The following LMNA variants were observed in gnomAD, a reference collection of about 807,000 sequenced individuals.
The protein encoded by LMNA is lamin.
In LMNA, 20 loss-of-function variants were observed where a neutral mutation model predicts 70.4. The ratio of observed to expected loss-of-function variants is 0.28; its 90% CI spans 0.20 to 0.41. LMNA has a LOEUF of 0.41. LMNA is among the 10% of genes least tolerant of loss of function. LMNA has a pLI of 1.00. For missense variants in LMNA, 652 were observed against 917.2 expected, an observed-to-expected ratio of 0.71 and a Z score of 3.73; for synonymous variants, 339 against 372.8, an observed-to-expected ratio of 0.91 and a Z score of 1.04.
rs1158300738 is a variant in LMNA at position 156,137,760 on chromosome 1, G to A, written c.1698+17G>A. 1.9e-6 allele frequency: 3 copies of A among 1,547,542 alleles called. No homozygotes were observed. The highest frequency in any genetic ancestry group is 2.4e-5 in the South Asian group (2 of 83,984). ...CACCACCACGTGAGTGGTAGCCGCC[G>A]CTGAGGCCGAGCCTGCACTGGGGCC... is the stretch of plus-strand genomic sequence containing the variant. On this transcript the variant is annotated intron_variant, in intron 10 of 11. Transcript: ENST00000368300. This position sits in a 1 kb window ranked among gnomAD's most constrained non-coding sequence, Gnocchi z 4.6.
At position 156,137,770 on chromosome 1, in the gene LMNA, A is replaced by C; in HGVS notation, c.1698+27A>C. On this transcript the variant is annotated intron_variant, in intron 10 of 11. Coordinates refer to ENST00000368300, the MANE Select transcript of LMNA (RefSeq NM_170707.4). The surrounding 1 kb of genome is among the most constrained non-coding windows in gnomAD (Gnocchi z 4.6). Reference sequence around the variant, plus strand: ...TGAGTGGTAGCCGCCGCTGAGGCCGAGCCTGCACTGGGGCCACCCAGCCAG... The same window carrying C: ...TGAGTGGTAGCCGCCGCTGAGGCCGCGCCTGCACTGGGGCCACCCAGCCAG... 2 of 1,548,596 alleles carry C rather than the reference A, an allele frequency of 1.3e-6. No individual in the cohort carries two copies. Among genetic ancestry groups the C allele is most frequent in the Non-Finnish European group, 1.7e-6 (2 of 1,146,958 alleles).
chr1:156,088,791 A>G (rs763144187), intron 2 of LMNA, among the ~76,000 whole-genome samples: 40 of 152,214 alleles, frequency 2.6e-4, no homozygotes, highest in Non-Finnish European at 5.0e-4. Flanking sequence ...CTGGGATTAC[A>G]GGCATGTGCC....
Position 156,130,348 on chromosome 1 carries a change from T to C in LMNA, c.357-269T>C, listed in dbSNP as rs508641. On this transcript the variant is annotated intron_variant, in intron 1 of 11. Coordinates refer to ENST00000368300, the MANE Select transcript of LMNA (RefSeq NM_170707.4). Reference sequence around the variant, plus strand: ...AGGGAAAAGCATTCATATCACGGGGTAGAGCTCTGCCCTTGGCCCCAGGCA... The same window carrying C: ...AGGGAAAAGCATTCATATCACGGGGCAGAGCTCTGCCCTTGGCCCCAGGCA... 0.081 allele frequency among the ~76,000 whole-genome samples: 12,331 copies of C among 151,902 alleles called. 795 individuals are homozygous for C. The highest frequency in any genetic ancestry group is 0.17 in the African/African-American group (7,075 of 41,364).
rs1287786305 is a variant in LMNA, at chr1:156,138,861, G to A, written c.1968+104G>A. 2.2e-5 allele frequency: 32 copies of A among 1,485,740 alleles called. No homozygotes were observed. The highest frequency in any genetic ancestry group is 2.3e-4 in the Middle Eastern group (1 of 4,404). 92.0% of individuals were successfully genotyped at this position (1,485,740 alleles called of 1,614,324 possible). A position where few individuals can be genotyped will look rare whatever the true frequency, so the allele number is the denominator to read the frequency against. On this transcript the variant is annotated intron_variant, in intron 11 of 11. Transcript: ENST00000368300. This position sits in a 1 kb window ranked among gnomAD's most constrained non-coding sequence, Gnocchi z 5.5. ...GGGGGGAGAGCCTGCCTTCTCTTCCGCAGCCCGGGGGAGTGGGAGCCTCCT... is the reference window on the plus strand; with the variant it reads ...GGGGGGAGAGCCTGCCTTCTCTTCCACAGCCCGGGGGAGTGGGAGCCTCCT...
chr1:156,119,749 G>GT (rs1297454204), intron 1 of LMNA, among the ~76,000 whole-genome samples: 6 of 151,910 alleles, frequency 3.9e-5, no homozygotes, highest in African/African-American at 1.5e-4. Flanking sequence ...TCCCACCCTG[G>GT]TGGCTTTACA....
chr1:156,084,128 G>A (rs1648382430), intron 2 of LMNA, among the ~76,000 whole-genome samples: 1 of 152,030 alleles, frequency 6.6e-6, no homozygotes, highest in South Asian at 2.1e-4. Flanking sequence ...GGAGTGACTT[G>A]AAAAACAAAA....
intron 1 of LMNA, among the ~76,000 whole-genome samples, chr1:156,117,215 C>A (rs775367788): frequency 8.6e-5 from 13 of 151,056 alleles, no homozygotes; most frequent in Non-Finnish European, 1.8e-4. Context: ...CAGGTGTGAG[C>A]TACCATGCCC....
Position 156,094,926 on chromosome 1 carries a change from A to ATT in LMNA, c.-207+4360_-207+4361dup, listed in dbSNP as rs1201138306. ...AGGCGTTTGTCACCACAACCAGCTAATTTTTTTTTTTTTTTTTGAGAACGG... is the reference window on the plus strand; with the variant it reads ...AGGCGTTTGTCACCACAACCAGCTAATTTTTTTTTTTTTTTTTTTGAGAACGG... On this transcript the variant is annotated intron_variant, in intron 3 of 12. Coordinates refer to the LMNA transcript ENST00000368301. 3.6e-3 allele frequency among the ~76,000 whole-genome samples: 462 copies of ATT among 127,732 alleles called. 6 individuals carry two copies. The highest frequency in any genetic ancestry group is 0.013 in the African/African-American group (444 of 33,488). The allele number at this position is 127,732 out of a possible 152,430, so 83.8% of individuals were successfully genotyped here.
chr1:156,113,778 C>T (rs777078626), upstream of LMNA, among the ~76,000 whole-genome samples: 2 of 152,172 alleles, frequency 1.3e-5, no homozygotes, highest in Non-Finnish European at 2.9e-5. Flanking sequence ...AATGCATGCA[C>T]AGCTCTGGTA....
intron 1 of LMNA, among the ~76,000 whole-genome samples, chr1:156,123,841 C>G (rs915945649): frequency 1.3e-5 from 2 of 152,226 alleles, no homozygotes; most frequent in African/African-American, 4.8e-5. Context: ...CACGTTGATA[C>G]GCCCAGCAGC....
At chr1:156,088,025 C>T (rs890133847) in intron 2 of LMNA, among the ~76,000 whole-genome samples, 2 of 152,018 alleles carry the variant, frequency 1.3e-5, no homozygotes, top group African/African-American at 4.8e-5. Context: ...GCGCGCACCA[C>T]CACACCCAGC....
intron 1 of LMNA, among the ~76,000 whole-genome samples, chr1:156,126,387 C>T (rs1056572600): frequency 7.2e-5 from 11 of 152,264 alleles, no homozygotes; most frequent in East Asian, 1.9e-4. Flanking sequence ...CCTCTCCCTC[C>T]GGGCCTAGCC....
rs1651924349 is a variant in LMNA at position 156,139,356 on chromosome 1, C to T, written c.*250C>T. 8 of 1,398,776 alleles carry T rather than the reference C, an allele frequency of 5.7e-6. No individual in the cohort carries two copies. The highest frequency in any genetic ancestry group is 4.4e-5 in the African/African-American group (3 of 68,776). 86.6% of individuals were successfully genotyped at this position (1,398,776 alleles called of 1,614,324 possible). ...CTATCTCAATCCTAATTTCTCCTCC[C>T]TTCCTTTTCCCTGCTTCCAGGAAAC... On this transcript the variant is annotated 3_prime_UTR_variant, in exon 12 of 12. Transcript: ENST00000368300.
At chr1:156,105,097 G>A (rs951989317) in intron 3 of LMNA, among the ~76,000 whole-genome samples, 1 of 152,160 alleles carries the variant, frequency 6.6e-6, no homozygotes, top group African/African-American at 2.4e-5. Flanking sequence ...CACTGACGGA[G>A]AGCCCCTCAG....
At chr1:156,107,528 T>A (rs1361562911) in intron 3 of LMNA, among the ~76,000 whole-genome samples, 1 of 152,192 alleles carries the variant, frequency 6.6e-6, no homozygotes, top group Non-Finnish European at 1.5e-5. Context: ...GCTGGGGGGA[T>A]CAACCAGGCA....
Position 156,137,828 on chromosome 1 carries a change from G to A in LMNA, c.1698+85G>A, listed in dbSNP as rs923421036. The A allele has an allele frequency of 4.5e-6, 7 of 1,540,634 alleles. No homozygotes were observed. The Admixed American group carries it at 9.9e-5, about 22-fold the overall frequency. ...GGCAGCCTCTCCCCAGCCTCCCCGT[G>A]CCAAAAATCTTTTCATTAAAGAATG... is the stretch of plus-strand genomic sequence containing the variant. On this transcript the variant is annotated intron_variant, in intron 10 of 11. Transcript: ENST00000368300. The surrounding 1 kb of genome is among the most constrained non-coding windows in gnomAD (Gnocchi z 4.6).
Position 156,134,411 on chromosome 1 carries a change from A to G in LMNA, c.522A>G (p.Ala174=). ...DLRGQVAKLE[A]ALGEAKKQLQ... is the part of the protein sequence containing the mutation. Reference sequence around the variant, plus strand: ...TGCCTGCTTCCTCACAGCTTGAGGCAGCCCTAGGTGAGGCCAAGAAGCAAC... The same window carrying G: ...TGCCTGCTTCCTCACAGCTTGAGGCGGCCCTAGGTGAGGCCAAGAAGCAAC... The change falls in exon 3 of 12, where the codon GCA becomes GCG. Residue 174 remains alanine, a synonymous_variant. Transcript: ENST00000368300. The surrounding 1 kb of genome is among the most constrained non-coding windows in gnomAD (Gnocchi z 5.3). 1 of 1,614,078 alleles carries G rather than the reference A, an allele frequency of 6.2e-7. No individual in the cohort carries two copies.
intron 3 of LMNA, among the ~76,000 whole-genome samples, chr1:156,092,364 G>A (rs999399655): frequency 8.6e-5 from 13 of 151,826 alleles, no homozygotes; most frequent in Admixed American, 2.0e-4. Flanking sequence ...GTGACAGAGC[G>A]AGATCCCATC....
chr1:156,127,871 G>A (rs1250498186), intron 1 of LMNA, among the ~76,000 whole-genome samples: 1 of 151,986 alleles, frequency 6.6e-6, no homozygotes, highest in South Asian at 2.1e-4. Context: ...ATTTTTGATA[G>A]AGTCAGAGTT....
Sources: allele counts gnomAD v4.1 joint callset (sites outside exome capture counted in the v4.1 genomes callset), GRCh38; gene constraint gnomAD v4.1.1; non-coding constraint Gnocchi (gnomAD v3.1); transcripts MANE v1.5; gene names NCBI Gene and HGNC (gene_info 2026-07-23, HGNC 2026-07-21).